Variants in SNTG1 observed in about 807,000 individuals in gnomAD.
SNTG1 encodes the protein gamma-1-syntrophin.
Under a neutral mutation model 74.7 loss-of-function variants are expected in SNTG1, and 39 were observed. That is an observed-to-expected ratio of 0.52 (90% confidence interval 0.40 to 0.68). The LOEUF is 0.68. Ranked by LOEUF, SNTG1 falls within the 30% of genes least tolerant of loss-of-function variation. The probability of loss-of-function intolerance (pLI) is 0.00; values close to 1 mark genes in which losing one functional copy is unlikely to be tolerated. For missense variants in SNTG1, 685 were observed against 609.5 expected (o/e 1.12, Z -1.30); for synonymous variants, 254 against 217.1 (o/e 1.17, Z -1.49).
At chr8:50,241,631 G>A (rs1199967628) in intron 2 of SNTG1, among the ~76,000 whole-genome samples, 1 of 152,126 alleles carries the variant, frequency 6.6e-6, no homozygotes, top group Non-Finnish European at 1.5e-5. Flanking sequence ...AGGTTTACGT[G>A]AACAGACTTT....
At chr8:50,454,938 T>TA (rs1470711049) in intron 8 of SNTG1, among the ~76,000 whole-genome samples, 1 of 151,316 alleles carries the variant, frequency 6.6e-6, no homozygotes, top group Non-Finnish European at 1.5e-5. Context: ...AAAGAATATA[T>TA]AAATAACTGT....
chr8:50,535,158 G>T (rs1321176611), intron 10 of SNTG1, among the ~76,000 whole-genome samples: 1 of 152,078 alleles, frequency 6.6e-6, no homozygotes, highest in Non-Finnish European at 1.5e-5. Flanking sequence ...TTTTTTATTT[G>T]TTGCTATAAT....
At chr8:50,783,689 G>A (rs4375011) in intron 18 of SNTG1, among the ~76,000 whole-genome samples, 48,171 of 151,932 alleles carry the variant, frequency 0.32, 7,720 homozygotes, top group Middle Eastern at 0.43. Context: ...GCTTGTGCAC[G>A]GTGCGCTGCA....
At chr8:50,615,581 A>G (rs895691206) in intron 13 of SNTG1, among the ~76,000 whole-genome samples, 11 of 152,116 alleles carry the variant, frequency 7.2e-5, no homozygotes, top group Admixed American at 3.9e-4. Flanking sequence ...TGCCATAGGA[A>G]CTCTACAAAA....
intron 18 of SNTG1, among the ~76,000 whole-genome samples, chr8:50,772,198 C>G (rs2131789406): frequency 6.6e-6 from 1 of 152,220 alleles, no homozygotes; most frequent in Admixed American, 6.5e-5. Context: ...AGGAACCAAA[C>G]TTCAATCTAT....
At chr8:50,126,818 C>T (rs1304234467) in intron 1 of SNTG1, among the ~76,000 whole-genome samples, 1 of 151,994 alleles carries the variant, frequency 6.6e-6, no homozygotes, top group African/African-American at 2.4e-5. Context: ...GCTATATGGG[C>T]CAGTAAAGGT....
At chr8:49,997,752 TG>T (rs1483053019) in intron 1 of SNTG1, among the ~76,000 whole-genome samples, 1 of 152,184 alleles carries the variant, frequency 6.6e-6, no homozygotes, top group East Asian at 1.9e-4. Flanking sequence ...CTGTTATTGT[TG>T]TTTTTTTAGC....
intron 4 of SNTG1, among the ~76,000 whole-genome samples, chr8:50,425,131 G>A (rs980358673): frequency 1.1e-4 from 16 of 152,118 alleles, no homozygotes; most frequent in African/African-American, 1.4e-4. Context: ...CAAGATTTGC[G>A]TCCGGGCAGG....
chr8:50,010,652 T>C lies in SNTG1; in HGVS notation c.-103+98421T>C, dbSNP rs141738219. The stretch of plus-strand genomic sequence containing the variant: ...AGTTATCTTAAATTTTGATAAACTC[T>C]CTTAAATGGTAGATTAAAAAAAAAT... On this transcript the variant is annotated intron_variant, in intron 1 of 18. Coordinates refer to ENST00000642720, the MANE Select transcript of SNTG1 (RefSeq NM_018967.5). 9.3e-3 allele frequency among the ~76,000 whole-genome samples: 1,422 copies of C among 152,092 alleles called. 21 individuals carry two copies. The highest frequency in any genetic ancestry group is 0.032 in the African/African-American group (1,343 of 41,502).
intron 1 of SNTG1, among the ~76,000 whole-genome samples, chr8:49,938,597 C>CTTTTCTTTTTTTT (rs1554524893): frequency 1.2e-4 from 4 of 32,512 alleles, no homozygotes; most frequent in African/African-American, 4.8e-4. Flanking sequence ...CTTTTCTTTT[C>CTTTTCTTTTTTTT]TTTTCTTTTC....
chr8:50,687,553 T>A (rs942525192), intron 15 of SNTG1, among the ~76,000 whole-genome samples: 1 of 152,172 alleles, frequency 6.6e-6, no homozygotes, highest in Non-Finnish European at 1.5e-5. Flanking sequence ...CAACATTATG[T>A]AGTGATAAAG....
chr8:50,494,145 A>G (rs887208091), intron 8 of SNTG1, among the ~76,000 whole-genome samples: 4 of 151,542 alleles, frequency 2.6e-5, no homozygotes, highest in Non-Finnish European at 4.4e-5. Context: ...ACACACATAT[A>G]TATATACACA....
chr8:50,384,920 G>A (rs1361735330), intron 2 of SNTG1, among the ~76,000 whole-genome samples: 1 of 152,086 alleles, frequency 6.6e-6, no homozygotes, highest in Non-Finnish European at 1.5e-5. Flanking sequence ...AGTTCATGAT[G>A]AACATCTCAG....
chr8:49,916,246 G>T lies in SNTG1; in HGVS notation c.-103+4015G>T, dbSNP rs891205886. Among the ~76,000 whole-genome samples the T allele has an allele frequency of 3.3e-5, 5 of 151,416 alleles. No homozygotes were observed. In the East Asian group the frequency reaches 9.7e-4, roughly 29 times the overall value. The stretch of plus-strand genomic sequence containing the variant: ...ACAGTCAAAAACATAAAATGAAAAA[G>T]AACTGAGAGTAAGAGGTCATTAAAA... On this transcript the variant is annotated intron_variant, in intron 1 of 18. Transcript: ENST00000642720.
At chr8:50,559,880 T>C (rs2094476886) in intron 12 of SNTG1, among the ~76,000 whole-genome samples, 1 of 152,130 alleles carries the variant, frequency 6.6e-6, no homozygotes, top group South Asian at 2.1e-4. Context: ...AAATGCAATC[T>C]AATTAAACTA....
At chr8:49,930,170 C>A (rs987538584) in intron 1 of SNTG1, among the ~76,000 whole-genome samples, 7 of 151,818 alleles carry the variant, frequency 4.6e-5, no homozygotes, top group Non-Finnish European at 1.0e-4. Context: ...CTCCCATGAA[C>A]TTTATAAGGT....
chr8:50,681,906 A>G (rs1323529243), intron 15 of SNTG1, among the ~76,000 whole-genome samples: 1 of 152,176 alleles, frequency 6.6e-6, no homozygotes, highest in Non-Finnish European at 1.5e-5. Flanking sequence ...CTGCAGACAC[A>G]CACCTCAGTC....
At chr8:50,058,110 G>A (rs1820177079) in intron 1 of SNTG1, among the ~76,000 whole-genome samples, 1 of 152,090 alleles carries the variant, frequency 6.6e-6, no homozygotes, top group African/African-American at 2.4e-5. Flanking sequence ...AGATCTTTGA[G>A]ATTTCTAAAG....
At chr8:50,713,883 C>T (rs2131569199) in intron 17 of SNTG1, among the ~76,000 whole-genome samples, 1 of 152,002 alleles carries the variant, frequency 6.6e-6, no homozygotes, top group Non-Finnish European at 1.5e-5. Flanking sequence ...CATAATGAAA[C>T]CTTGCCTCTA....
Sources: allele counts gnomAD v4.1 joint callset (sites outside exome capture counted in the v4.1 genomes callset), GRCh38; gene constraint gnomAD v4.1.1; transcripts MANE v1.5; gene names NCBI Gene and HGNC (gene_info 2026-07-23, HGNC 2026-07-21).